Variants in CEP63 observed in about 807,000 individuals in gnomAD.
The protein encoded by CEP63 is centrosomal protein of 63 kDa.
Under a neutral mutation model 89.1 loss-of-function variants are expected in CEP63, and 84 were observed. The observed-to-expected ratio is 0.94, with a 90% CI of 0.79 to 1.13. CEP63 has a LOEUF of 1.13. Ranked by LOEUF, CEP63 falls within the 50% of genes most tolerant of loss-of-function variation. CEP63 has a pLI of 0.00. For missense variants in CEP63, 838 were observed against 813.3 expected, an observed-to-expected ratio of 1.03 and a Z score of -0.37; for synonymous variants, 267 against 272.5, an observed-to-expected ratio of 0.98 and a Z score of 0.20.
chr3:134,588,827 C>G (rs536217600), downstream of CEP63, among the ~76,000 whole-genome samples: 1 of 151,464 alleles, frequency 6.6e-6, no homozygotes, highest in Non-Finnish European at 1.5e-5. Flanking sequence ...CTAGACTTAT[C>G]AAGAAAAAAA....
chr3:134,686,675 G>T, the CEP63 span, among the ~76,000 whole-genome samples: 3 of 152,222 alleles, frequency 2.0e-5, no homozygotes, highest in Non-Finnish European at 4.4e-5. Context: ...TCACAAAGAC[G>T]CAAGTAACTG....
At chr3:134,727,986 A>G in the CEP63 span, among the ~76,000 whole-genome samples, 2 of 152,214 alleles carry the variant, frequency 1.3e-5, no homozygotes, top group Non-Finnish European at 2.9e-5. Context: ...AAACAGAGAG[A>G]TTCAAAATTT....
the CEP63 span, among the ~76,000 whole-genome samples, chr3:134,606,502 C>T: frequency 3.3e-5 from 5 of 152,212 alleles, no homozygotes; most frequent in Non-Finnish European, 4.4e-5. Flanking sequence ...GCAGCCCACC[C>T]GGACCCCTCA....
rs763437947 is a variant in CEP63 at position 134,549,145 on chromosome 3, A to G, written c.1151A>G (p.His384Arg). The G allele has an allele frequency of 6.8e-6, 11 of 1,611,718 alleles. No homozygotes were observed. Among genetic ancestry groups the G allele is most frequent in the South Asian group, 1.1e-5 (1 of 91,052 alleles). Residue 384 changes from histidine to arginine, a missense_variant, in exon 10 of 15, where the codon CAT becomes CGT. His to Arg is a conservative substitution (Grantham distance 29). Coordinates refer to ENST00000675561, the MANE Select transcript of CEP63 (RefSeq NM_001353108.3). ...GAAGAACTGAAGAGGATGGAAGCAC[A>G]TAACAATGAATACAAAGCAGAGATT... ...KYEELKRMEA[H>R]NNEYKAEIKK...
chr3:134,762,953 A>G, the CEP63 span, among the ~76,000 whole-genome samples: 1 of 152,210 alleles, frequency 6.6e-6, no homozygotes, highest in Non-Finnish European at 1.5e-5. Flanking sequence ...GGGGACCCAG[A>G]AAGCTCATCA....
chr3:134,494,248 G>T (rs966979277), intron 1 of CEP63, among the ~76,000 whole-genome samples: 5 of 151,644 alleles, frequency 3.3e-5, no homozygotes, highest in African/African-American at 1.2e-4. Context: ...CCCCATGGCT[G>T]GAACTACAGG....
the CEP63 span, among the ~76,000 whole-genome samples, chr3:134,746,970 C>CA: frequency 2.0e-5 from 3 of 151,926 alleles, no homozygotes; most frequent in Non-Finnish European, 2.9e-5. Flanking sequence ...GTTGTCATTG[C>CA]TTTTTTTTAG....
In CEP63 at chr3:134,546,171, A is replaced by G. The variant is rs1460174964; in HGVS notation, c.812A>G (p.Glu271Gly). ...LLEALQEEKR[E>G]LKAALQSQEN... ...CAGGCTCTGCAGGAAGAAAAGAGAG[A>G]ATTGAAGGCAGCTCTTCAGTCTCAA... Residue 271 changes from glutamate to glycine, a missense_variant, in exon 8 of 15, where the codon GAA (glutamate) becomes GGA (glycine). Physicochemically the swap from Glu to Gly is moderately conservative, Grantham distance 98 (BLOSUM62 -2). Coordinates refer to ENST00000675561, the MANE Select transcript of CEP63 (RefSeq NM_001353108.3). 1 of 1,613,798 alleles carries G rather than the reference A, an allele frequency of 6.2e-7. No homozygotes were observed. The highest frequency in any genetic ancestry group is 8.5e-7 in the Non-Finnish European group (1 of 1,179,952).
rs192895395 is a variant in CEP63, at chr3:134,548,929, T to C, written c.1068-133T>C. 4.9e-5 allele frequency: 32 copies of C among 654,338 alleles called. No individual in the cohort carries two copies. The East Asian group carries it at 6.9e-4, about 14-fold the overall frequency. 40.5% of individuals were successfully genotyped at this position (654,338 alleles called of 1,614,324 possible). The stretch of plus-strand genomic sequence containing the variant: ...TTTATTGATTGGCTTTTTAGTAATA[T>C]TTTAAATGACTGAGGTGATGTTTAA... On this transcript the variant is annotated intron_variant, in intron 9 of 14. Coordinates refer to ENST00000675561, the MANE Select transcript of CEP63 (RefSeq NM_001353108.3).
At chr3:134,605,908 C>G in the CEP63 span, among the ~76,000 whole-genome samples, 1 of 152,218 alleles carries the variant, frequency 6.6e-6, no homozygotes, top group African/African-American at 2.4e-5. Context: ...ATTGCTTCCC[C>G]TTCTGTTACA....
chr3:134,559,354 G>A lies in CEP63; in HGVS notation c.1878G>A (p.Ala626=), dbSNP rs745729005. Residue 626 remains alanine (A), a synonymous_variant, in exon 14 of 15, where the codon GCG becomes GCA. Coordinates refer to ENST00000675561, the MANE Select transcript of CEP63 (RefSeq NM_001353108.3). ...SLCKTHSLPS[A]LDTNEANFSD... ...GTAAAACTCATTCTTTGCCTTCAGC[G>A]CTAGATACAAATGAAGCCAATTTTT... is the stretch of plus-strand genomic sequence containing the variant. 16 of 1,613,804 alleles carry A rather than the reference G, an allele frequency of 9.9e-6. No individual in the cohort carries two copies. Among genetic ancestry groups the A allele is most frequent in the South Asian group, 2.2e-5 (2 of 91,084 alleles).
At chr3:134,584,956 G>GTTTTTTTTTTTGTTT (rs1553799204) in intron 10 of CEP63, among the ~76,000 whole-genome samples, 3 of 36,036 alleles carry the variant, frequency 8.3e-5, no homozygotes, top group African/African-American at 2.6e-4. Flanking sequence ...ATTTTCTAGG[G>GTTTTTTTTTTTGTTT]TTTTTTTTTT....
chr3:134,528,553 GGT>G (rs71139537), intron 3 of CEP63, among the ~76,000 whole-genome samples: 201 of 108,832 alleles, frequency 1.8e-3, no homozygotes, highest in African/African-American at 3.7e-3. Flanking sequence ...CTTAAGGAGG[GGT>G]GTGTGTGTGT....
intron 6 of CEP63, among the ~76,000 whole-genome samples, chr3:134,540,819 C>T (rs1207717542): frequency 2.1e-5 from 3 of 143,876 alleles, no homozygotes; most frequent in South Asian, 4.3e-4. Flanking sequence ...GATGGAGCCT[C>T]GGTTGCCCAG....
chr3:134,781,226 T>G, the CEP63 span, among the ~76,000 whole-genome samples: 2 of 152,232 alleles, frequency 1.3e-5, no homozygotes, highest in Non-Finnish European at 2.9e-5. Flanking sequence ...AGGGTCAAAT[T>G]GTCAAATTCT....
the CEP63 span, among the ~76,000 whole-genome samples, chr3:134,716,893 G>GA: frequency 0.3 from 45,859 of 152,068 alleles, 7,324 homozygotes; most frequent in South Asian, 0.48. Flanking sequence ...AGTACAAAAG[G>GA]ACGGATGCAC....
chr3:134,603,495 C>T, the CEP63 span: 3 of 1,258,558 alleles, frequency 2.4e-6, no homozygotes, highest in Non-Finnish European at 3.3e-6. Context: ...TCAGTGGTGT[C>T]CAGGGCTCCC....
chr3:134,770,709 C>T, the CEP63 span, among the ~76,000 whole-genome samples: 1 of 152,294 alleles, frequency 6.6e-6, no homozygotes, highest in East Asian at 1.9e-4. Flanking sequence ...GGTGAGATAA[C>T]TTGATCTCCC....
At chr3:134,653,429 C>A in the CEP63 span, among the ~76,000 whole-genome samples, 5 of 152,224 alleles carry the variant, frequency 3.3e-5, no homozygotes, top group African/African-American at 9.6e-5. Flanking sequence ...TGGTGCCTGA[C>A]ACCTAGACCC....
Sources: gnomAD v4.1 joint callset for allele counts (sites outside exome capture counted in the v4.1 genomes callset) on GRCh38, gnomAD v4.1.1 for gene constraint, MANE v1.5 for transcripts, NCBI Gene and HGNC (gene_info 2026-07-23, HGNC 2026-07-21) for gene names.